Variants in PHACTR4 observed in about 807,000 individuals in gnomAD.
PHACTR4 encodes phosphatase and actin regulator 4.
A neutral mutation model predicts 72.7 loss-of-function variants in PHACTR4; 51 were observed. The ratio of observed to expected loss-of-function variants is 0.70; its 90% CI spans 0.56 to 0.89. The LOEUF is 0.89. Among genes scored for constraint, PHACTR4 ranks in the 40% least tolerant of loss-of-function variants. The pLI is 0.00. For missense variants in PHACTR4, 731 were observed against 861.8 expected, an observed-to-expected ratio of 0.85 and a Z score of 1.90; for synonymous variants, 255 against 302.5, an observed-to-expected ratio of 0.84 and a Z score of 1.63.
chr1:28,416,241 G>A (rs950317032), intron 2 of PHACTR4, among the ~76,000 whole-genome samples: 4 of 151,968 alleles, frequency 2.6e-5, no homozygotes, highest in Non-Finnish European at 5.9e-5. Flanking sequence ...GTCTTGATGA[G>A]AAATTTAATA....
At chr1:28,438,170 A>G in intron 2 of PHACTR4, 3 of 1,265,542 alleles carry the variant, frequency 2.4e-6, no homozygotes, top group South Asian at 2.0e-5. Flanking sequence ...GAAGAGTGCC[A>G]GTGTGAAGAC....
intron 2 of PHACTR4, 96 bp downstream of exon 2, chr1:28,407,559 C>A: frequency 9.7e-7 from 1 of 1,027,238 alleles, no homozygotes; most frequent in Non-Finnish European, 1.5e-6. Context: ...TTTTCATATT[C>A]AGTATGCTAC....
intron 10 of PHACTR4, among the ~76,000 whole-genome samples, chr1:28,490,622 G>T (rs1219668333): frequency 6.6e-6 from 1 of 151,930 alleles, no homozygotes; most frequent in East Asian, 1.9e-4. Flanking sequence ...GAGGCGGGTG[G>T]ATCACCTGAG....
chr1:28,384,197 C>T (rs1652396881), intron 1 of PHACTR4, among the ~76,000 whole-genome samples: 1 of 151,956 alleles, frequency 6.6e-6, no homozygotes, highest in Non-Finnish European at 1.5e-5. Flanking sequence ...AGGAAGGAGT[C>T]CCTCCTCTTC....
chr1:28,451,465 G>A (rs1360596090), intron 2 of PHACTR4, among the ~76,000 whole-genome samples: 2 of 144,398 alleles, frequency 1.4e-5, no homozygotes, highest in African/African-American at 5.2e-5. Flanking sequence ...ATTCACAGGT[G>A]CAATGATACA....
chr1:28,494,616 C>T (rs914416052), intron 13 of PHACTR4, among the ~76,000 whole-genome samples: 3 of 152,158 alleles, frequency 2.0e-5, no homozygotes, highest in Non-Finnish European at 2.9e-5. Flanking sequence ...CGCGCAACTG[C>T]GCTCCAACCT....
At chr1:28,392,819 A>G (rs61783808) in intron 1 of PHACTR4, among the ~76,000 whole-genome samples, 16,462 of 152,050 alleles carry the variant, frequency 0.11, 1,226 homozygotes, top group Non-Finnish European at 0.16. Flanking sequence ...TTTTTTATGA[A>G]CCCTGCATAT....
chr1:28,488,164 A>C (rs80326780), intron 9 of PHACTR4, among the ~76,000 whole-genome samples: 15,814 of 152,084 alleles, frequency 0.1, 1,902 homozygotes, highest in African/African-American at 0.3. Context: ...AAAGAGACAA[A>C]CTTAAATTCC....
At chr1:28,406,756 C>T (rs1305426197) in intron 1 of PHACTR4, among the ~76,000 whole-genome samples, 1 of 152,068 alleles carries the variant, frequency 6.6e-6, no homozygotes, top group Non-Finnish European at 1.5e-5. Flanking sequence ...TTGACACTTG[C>T]CTTGATTGGG....
chr1:28,425,578 C>T (rs1655786173), intron 2 of PHACTR4, among the ~76,000 whole-genome samples: 1 of 152,180 alleles, frequency 6.6e-6, no homozygotes, highest in Admixed American at 6.5e-5. Flanking sequence ...CTATATTCTC[C>T]TATTCATGTA....
intron 2 of PHACTR4, among the ~76,000 whole-genome samples, chr1:28,441,436 C>G (rs1158046767): frequency 6.6e-6 from 1 of 152,034 alleles, no homozygotes; most frequent in African/African-American, 2.4e-5. Flanking sequence ...TAATGGAAGG[C>G]CAGCGCTATT....
At chr1:28,487,518 C>CAAA (rs796633179) in intron 9 of PHACTR4, among the ~76,000 whole-genome samples, 13,090 of 77,078 alleles carry the variant, frequency 0.17, 932 homozygotes, top group Non-Finnish European at 0.24. Context: ...GACACACACA[C>CAAA]AAAAAAAAAA....
At chr1:28,411,877 A>AAAAG (rs61242609) in intron 2 of PHACTR4, among the ~76,000 whole-genome samples, 57,764 of 150,856 alleles carry the variant, frequency 0.38, 12,704 homozygotes, top group African/African-American at 0.6. Context: ...ACGAATGAAC[A>AAAAG]AAAGAAAGAA....
intron 1 of PHACTR4, among the ~76,000 whole-genome samples, chr1:28,406,831 A>G (rs1471065384): frequency 6.6e-6 from 1 of 152,112 alleles, no homozygotes. Context: ...TTTTATTTTC[A>G]TACTTGAGTG....
chr1:28,477,907 C>G (rs1401467129), intron 8 of PHACTR4, among the ~76,000 whole-genome samples: 2 of 152,048 alleles, frequency 1.3e-5, no homozygotes, highest in African/African-American at 4.8e-5. Context: ...AGGCTGGTCT[C>G]GAACTTGTGA....
intron 1 of PHACTR4, among the ~76,000 whole-genome samples, chr1:28,404,276 C>CT (rs58454588): frequency 0.015 from 1,518 of 101,260 alleles, 5 homozygotes; most frequent in East Asian, 0.027. Context: ...TATGAACATC[C>CT]TTTTTTTTTT....
At chr1:28,411,584 T>C (rs1483798352) in intron 2 of PHACTR4, among the ~76,000 whole-genome samples, 1 of 152,172 alleles carries the variant, frequency 6.6e-6, no homozygotes, top group African/African-American at 2.4e-5. Context: ...AGAAAAGAAT[T>C]GAGGATGTAA....
intron 2 of PHACTR4, among the ~76,000 whole-genome samples, chr1:28,456,045 G>C (rs1037637677): frequency 6.7e-6 from 1 of 148,542 alleles, no homozygotes; most frequent in Admixed American, 6.7e-5. Flanking sequence ...TTTTTTTTTT[G>C]AGACAAGGTC....
chr1:28,482,698 G>A (rs1660353486), intron 9 of PHACTR4, among the ~76,000 whole-genome samples: 1 of 152,050 alleles, frequency 6.6e-6, no homozygotes. Flanking sequence ...ATTTTGGGAG[G>A]CTCACTTGAG....
Sources: gnomAD v4.1 joint callset for allele counts (sites outside exome capture counted in the v4.1 genomes callset) on GRCh38, gnomAD v4.1.1 for gene constraint, MANE v1.5 for transcripts, NCBI Gene and HGNC (gene_info 2026-07-23, HGNC 2026-07-21) for gene names.